The following PON2 variants were observed in gnomAD, a reference collection of about 807,000 sequenced individuals.
PON2 encodes paraoxonase 2, also known as serum paraoxonase/arylesterase 2.
In PON2, 27 loss-of-function variants were observed where a neutral mutation model predicts 36.6. The observed-to-expected ratio is 0.74, with a 90% CI of 0.54 to 1.02. PON2 has a LOEUF of 1.02. Ranked by LOEUF, PON2 falls within the 50% of genes least tolerant of loss-of-function variation. The pLI, the probability that PON2 is intolerant of heterozygous loss-of-function variation, is 0.00. For synonymous variants in PON2, 149 were observed against 156.3 expected (o/e 0.95, Z 0.35); for missense variants, 363 against 421.1 (o/e 0.86, Z 1.21).
intron 6 of PON2, among the ~76,000 whole-genome samples, chr7:95,408,805 T>C (rs1809778610): frequency 6.6e-6 from 1 of 152,196 alleles, no homozygotes; most frequent in Non-Finnish European, 1.5e-5. Flanking sequence ...TGGTTGTGCA[T>C]ATAAAAATAA....
At chr7:95,416,900 T>C (rs528311797) in intron 2 of PON2, among the ~76,000 whole-genome samples, 45 of 152,286 alleles carry the variant, frequency 3.0e-4, no homozygotes, top group African/African-American at 9.1e-4. Flanking sequence ...CCTAAGCCAG[T>C]TGAAGTTTCT....
chr7:95,420,403 A>G, intron 2 of PON2, among the ~76,000 whole-genome samples: 1 of 152,240 alleles, frequency 6.6e-6, no homozygotes, highest in East Asian at 1.9e-4. Context: ...ACATTTTAAT[A>G]TGCAGATGTT....
intron 1 of PON2, among the ~76,000 whole-genome samples, chr7:95,427,681 T>C (rs536218899): frequency 1.3e-5 from 2 of 152,210 alleles, no homozygotes; most frequent in African/African-American, 2.4e-5. Context: ...AAGCTCTATA[T>C]TGGGTCACCC....
At chr7:95,430,532 T>C (rs948934524) in intron 1 of PON2, among the ~76,000 whole-genome samples, 7 of 151,872 alleles carry the variant, frequency 4.6e-5, no homozygotes, top group African/African-American at 1.7e-4. Flanking sequence ...ACTCCCGACC[T>C]CAGGTATCCA....
At chr7:95,428,991 T>A (rs141276362) in intron 1 of PON2, among the ~76,000 whole-genome samples, 1 of 151,992 alleles carries the variant, frequency 6.6e-6, no homozygotes, top group Non-Finnish European at 1.5e-5. Context: ...AGGTAAATAG[T>A]AGAGCTATGA....
In PON2 at chr7:95,409,814, T is replaced by C. The variant is rs2116458026; in HGVS notation, c.695+87A>G. 6 of 1,125,196 alleles carry C rather than the reference T, an allele frequency of 5.3e-6. No homozygotes were observed. In the South Asian group the frequency reaches 7.6e-5, roughly 14 times the overall value. The allele number at this position is 1,125,196 out of a possible 1,614,324, so 69.7% of individuals were successfully genotyped here. ...TATACCATAAATGTCAAGAAAACTATTTTCACATTGACAAAGAAAGCAAAG... is the reference window on the plus strand; with the variant it reads ...TATACCATAAATGTCAAGAAAACTACTTTCACATTGACAAAGAAAGCAAAG... On this transcript the variant is annotated intron_variant, in intron 6 of 8. Transcript: ENST00000222572.
intron 2 of PON2, among the ~76,000 whole-genome samples, chr7:95,417,425 A>T (rs1789086923): frequency 2.0e-5 from 3 of 152,178 alleles, no homozygotes; most frequent in African/African-American, 7.2e-5. Flanking sequence ...GGGTCTGTGG[A>T]TCACTTTTGG....
intron 2 of PON2, among the ~76,000 whole-genome samples, chr7:95,423,806 G>T (rs1198924299): frequency 6.6e-6 from 1 of 152,162 alleles, no homozygotes; most frequent in East Asian, 1.9e-4. Context: ...CCGTGTGGTT[G>T]GGGAGGCTTC....
At chr7:95,421,759 A>G (rs1214198289) in intron 2 of PON2, among the ~76,000 whole-genome samples, 2 of 152,196 alleles carry the variant, frequency 1.3e-5, no homozygotes, top group Non-Finnish European at 2.9e-5. Context: ...CACATAGGAA[A>G]CAGATGCCTA....
intron 6 of PON2, among the ~76,000 whole-genome samples, chr7:95,408,034 G>A (rs1484171172): frequency 6.6e-6 from 1 of 152,140 alleles, no homozygotes; most frequent in Non-Finnish European, 1.5e-5. Flanking sequence ...GGTTGGAGGT[G>A]GCCTGTTAAA....
At chr7:95,418,454 T>C (rs1789121334) in intron 2 of PON2, 1 of 152,210 alleles carries the variant, frequency 6.6e-6, no homozygotes, top group Non-Finnish European at 1.5e-5. Context: ...ATTTCCTCTC[T>C]CAGAAACATC....
intron 1 of PON2, 29 bp downstream of exon 1, chr7:95,434,849 G>A (rs1416220809): frequency 6.5e-7 from 1 of 1,536,404 alleles, no homozygotes; most frequent in South Asian, 1.2e-5. Flanking sequence ...GGGGACCGCC[G>A]AGGAGGGGCG....
At chr7:95,414,066 AATAC>A (rs1478229521) in intron 3 of PON2, among the ~76,000 whole-genome samples, 2 of 152,222 alleles carry the variant, frequency 1.3e-5, no homozygotes, top group South Asian at 2.1e-4. Context: ...ATTATGATAA[AATAC>A]ATACAACATT....
At chr7:95,411,282 G>C (rs1788916477) in intron 5 of PON2, among the ~76,000 whole-genome samples, 1 of 152,140 alleles carries the variant, frequency 6.6e-6, no homozygotes, top group Non-Finnish European at 1.5e-5. Context: ...TCCTTGGCAA[G>C]ACACTCATCT....
At position 95,434,860 on chromosome 7, in the gene PON2, C is replaced by T; in HGVS notation, c.74+18G>A. The T allele has an allele frequency of 6.5e-7, 1 of 1,537,798 alleles. No homozygotes were observed. On this transcript the variant is annotated intron_variant, in intron 1 of 8. Coordinates refer to ENST00000222572, the MANE Select transcript of PON2 (RefSeq NM_000305.3). Reference sequence around the variant, plus strand: ...GCCTGGGGACCGCCGAGGAGGGGCGCGCGGGAGTCCCACCTACCTGAGTGC... The same window carrying T: ...GCCTGGGGACCGCCGAGGAGGGGCGTGCGGGAGTCCCACCTACCTGAGTGC...
At chr7:95,425,336 G>A (rs965528446) in intron 1 of PON2, among the ~76,000 whole-genome samples, 12 of 152,218 alleles carry the variant, frequency 7.9e-5, no homozygotes, top group Non-Finnish European at 1.5e-4. Flanking sequence ...TTAAAAGAAG[G>A]AAATAATAAG....
chr7:95,419,510 G>A (rs1451062083), intron 2 of PON2, among the ~76,000 whole-genome samples: 1 of 152,136 alleles, frequency 6.6e-6, no homozygotes, highest in Non-Finnish European at 1.5e-5. Flanking sequence ...GCAATTATCT[G>A]TGTCAGAGGT....
chr7:95,433,870 C>A (rs1310853166), intron 1 of PON2, among the ~76,000 whole-genome samples: 2 of 152,202 alleles, frequency 1.3e-5, no homozygotes, highest in African/African-American at 4.8e-5. Flanking sequence ...GGAATCTTTC[C>A]TCTTTAAGCC....
intron 2 of PON2, among the ~76,000 whole-genome samples, chr7:95,421,739 G>A (rs1301929338): frequency 6.6e-6 from 1 of 152,144 alleles, no homozygotes; most frequent in African/African-American, 2.4e-5. Flanking sequence ...ATGAAAAAAA[G>A]GAGAAAGAAC....
Sources: allele counts gnomAD v4.1 joint callset (sites outside exome capture counted in the v4.1 genomes callset), GRCh38; gene constraint gnomAD v4.1.1; transcripts MANE v1.5; gene names NCBI Gene and HGNC (gene_info 2026-07-23, HGNC 2026-07-21).